Variants in HPS5 observed in about 807,000 individuals in gnomAD.
HPS5 encodes the protein BLOC-2 complex member HPS5.
Under a neutral mutation model 128.0 loss-of-function variants are expected in HPS5, and 83 were observed. The ratio of observed to expected loss-of-function variants is 0.65; its 90% CI spans 0.54 to 0.78. The LOEUF (loss-of-function observed/expected upper bound fraction) is 0.78. HPS5 is among the 30% of genes least tolerant of loss of function. The pLI is 0.00. For missense variants in HPS5, 1,281 were observed against 1,326.2 expected, an observed-to-expected ratio of 0.97 and a Z score of 0.53; for synonymous variants, 475 against 470.2, an observed-to-expected ratio of 1.01 and a Z score of -0.13.
chr11:18,286,505 A>C, intron 19 of HPS5, 86 bp downstream of exon 19: 1 of 1,358,464 alleles, frequency 7.4e-7, no homozygotes, highest in Non-Finnish European at 1.0e-6. Flanking sequence ...TCTTAGCACC[A>C]CATTCCAGCC....
chr11:18,279,532 A>G lies in HPS5; in HGVS notation c.*350T>C. ...CTTCTGCTCCCAACATGGAAGCCAC[A>G]GTAAGAAAAGAATCTGTCTAATCCA... On this transcript the variant is annotated 3_prime_UTR_variant, in exon 23 of 23. Transcript: ENST00000349215. 3.7e-6 allele frequency: 1 copy of G among 269,632 alleles called. No homozygotes were observed. The highest frequency in any genetic ancestry group is 7.2e-6 in the Non-Finnish European group (1 of 139,410). The allele number at this position is 269,632 out of a possible 1,614,324, so 16.7% of individuals were successfully genotyped here.
In HPS5 at chr11:18,291,816, T is replaced by C. The variant is rs564959505; in HGVS notation, c.2066A>G (p.Glu689Gly). ...GCCTAAAGAGTCCCTTTTTTCTTTTTCATTATCTTCATCTAATATTCCCTT... is the reference window on the plus strand; with the variant it reads ...GCCTAAAGAGTCCCTTTTTTCTTTTCCATTATCTTCATCTAATATTCCCTT... Reference protein sequence around the residue: ...SKKGILDEDNEKEKRDSLGNE... With the variant: ...SKKGILDEDNGKEKRDSLGNE... The change falls in exon 16 of 23, where the codon GAA (glutamate) becomes GGA (glycine). Residue 689 changes from glutamate to glycine, a missense_variant. Glu to Gly is a moderately conservative substitution (Grantham distance 98). Transcript: ENST00000349215. 1.2e-5 allele frequency: 20 copies of C among 1,613,000 alleles called. No individual in the cohort carries two copies. The South Asian group carries it at 1.4e-4, about 12-fold the overall frequency.
intron 10 of HPS5, 86 bp from the exon 11 acceptor site, chr11:18,297,803 G>A: frequency 7.6e-7 from 1 of 1,313,600 alleles, no homozygotes; most frequent in Admixed American, 1.7e-5. Context: ...GTCTAGGCCG[G>A]GCACGGTGGC....
At chr11:18,315,628 G>C (rs1863532874) in intron 2 of HPS5, among the ~76,000 whole-genome samples, 1 of 150,410 alleles carries the variant, frequency 6.6e-6, no homozygotes, top group Admixed American at 6.6e-5. Context: ...AAAAAAAATA[G>C]AAAGAAAGAA....
chr11:18,300,978 G>A (rs1024972942), intron 8 of HPS5, 62 bp from the exon 9 acceptor site: 54 of 942,380 alleles, frequency 5.7e-5, no homozygotes, highest in Admixed American at 3.6e-4. Context: ...ATAATTCCCC[G>A]AATTCAGATC....
In HPS5 at chr11:18,279,832, T is replaced by C. The variant is rs769571100; in HGVS notation, c.*50A>G. The C allele has an allele frequency of 3.2e-6, 5 of 1,542,804 alleles. No individual in the cohort carries two copies. Among genetic ancestry groups the C allele is most frequent in the East Asian group, 2.2e-5 (1 of 44,550 alleles). On this transcript the variant is annotated 3_prime_UTR_variant, in exon 23 of 23. Transcript: ENST00000349215. ...AATGCGTTCAGAAGGTTCAGGAGCA[T>C]GATTTAGTTTTTCTCAAAATGTCAT...
At chr11:18,299,035 G>A (rs1049784090) in intron 9 of HPS5, 65 bp from the exon 10 acceptor site, 1 of 1,444,840 alleles carries the variant, frequency 6.9e-7, no homozygotes, top group African/African-American at 1.4e-5. Flanking sequence ...TTTTAAAAGG[G>A]ATGCAATTAT....
intron 2 of HPS5, chr11:18,314,530 AAAATAAAT>A (rs138763524): frequency 0.14 from 21,035 of 151,180 alleles, 1,565 homozygotes; most frequent in African/African-American, 0.19. Context: ...CTACATCTCA[AAAATAAAT>A]AAATAAATAA....
At position 18,283,908 on chromosome 11, in the gene HPS5, A is replaced by ACCGAAGTT. The variant is rs1859356261; in HGVS notation, c.2952-8_2952-7insAACTTCGG. ...TAGATATCCAGGCCAGAAACTTTAA[A>ACCGAAGTT]GAGACCGAAGTTGAAGAAAGGAATA... On this transcript the variant is annotated splice_polypyrimidine_tract_variant and splice_region_variant and intron_variant, in intron 20 of 22. Transcript: ENST00000349215. 1 of 1,597,842 alleles carries ACCGAAGTT rather than the reference A, an allele frequency of 6.3e-7. No homozygotes were observed. Among genetic ancestry groups the ACCGAAGTT allele is most frequent in the African/African-American group, 1.3e-5 (1 of 74,636 alleles).
intron 14 of HPS5, among the ~76,000 whole-genome samples, chr11:18,293,757 C>T (rs897558245): frequency 3.3e-5 from 5 of 151,860 alleles, no homozygotes; most frequent in African/African-American, 7.2e-5. Flanking sequence ...CAAAAAATGG[C>T]GGGAGAATAC....
intron 22 of HPS5, among the ~76,000 whole-genome samples, chr11:18,281,681 G>A (rs1295683369): frequency 6.6e-6 from 1 of 152,066 alleles, no homozygotes; most frequent in African/African-American, 2.4e-5. Flanking sequence ...AAGGATTACA[G>A]GCGTGAACCA....
chr11:18,282,040 G>A lies in HPS5; in HGVS notation c.3239C>T (p.Ser1080Leu). 1.2e-6 allele frequency: 2 copies of A among 1,614,170 alleles called. No individual in the cohort carries two copies. The highest frequency in any genetic ancestry group is 1.7e-6 in the Non-Finnish European group (2 of 1,180,026). ...AKAMGPDRAW[S>L]LLQECGLALE... ...GGCCAGACCACATTCCTGTAGCAGT[G>A]ACCAAGCCCGATCTGGGCCCATGGC... The change falls in exon 22 of 23, where the codon TCA becomes TTA. Residue 1080 changes from serine to leucine, a missense_variant. Ser to Leu is a moderately radical substitution (Grantham distance 145). Transcript: ENST00000349215.
intron 11 of HPS5, 42 bp from the exon 12 acceptor site, chr11:18,297,026 T>G (rs538300261): frequency 2.5e-5 from 33 of 1,302,882 alleles, no homozygotes; most frequent in Admixed American, 5.3e-5. Flanking sequence ...AGGTAAAAAT[T>G]TCCTTTATAA....
intron 22 of HPS5, among the ~76,000 whole-genome samples, chr11:18,281,391 G>A (rs1247889922): frequency 6.6e-6 from 1 of 151,496 alleles, no homozygotes; most frequent in East Asian, 1.9e-4. Flanking sequence ...ACCGTACCCA[G>A]CCAGGTACCA....
At chr11:18,309,862 C>T (rs137872550) in intron 5 of HPS5, among the ~76,000 whole-genome samples, 37 of 152,114 alleles carry the variant, frequency 2.4e-4, no homozygotes, top group African/African-American at 8.0e-4. Flanking sequence ...ATTAGCCAGG[C>T]GTGGTGATGC....
rs750795578 is a variant in HPS5 at position 18,291,705 on chromosome 11, G to A, written c.2177C>T (p.Pro726Leu). The A allele has an allele frequency of 2.0e-5, 32 of 1,614,054 alleles. No homozygotes were observed. The Admixed American group carries it at 5.0e-4, about 25-fold the overall frequency. ...CCGAAGACCACTTGCAATGGCGCAT[G>A]GAGAACATATTTGAAACAGGTCATC... The part of the protein sequence containing the change: ...SLDDLFQICS[P>L]CAIASGLRND... Residue 726 changes from proline (P) to leucine (L), a missense_variant, in exon 16 of 23, where the codon CCA becomes CTA. Pro to Leu is a moderately conservative substitution (Grantham distance 98). Coordinates refer to ENST00000349215, the MANE Select transcript of HPS5 (RefSeq NM_181507.2).
chr11:18,305,074 A>G (rs538108561), intron 8 of HPS5, among the ~76,000 whole-genome samples: 1 of 152,328 alleles, frequency 6.6e-6, no homozygotes, highest in South Asian at 2.1e-4. Context: ...TGCTTGCTAA[A>G]AACACATACA....
At chr11:18,299,635 T>C (rs916502987) in intron 9 of HPS5, among the ~76,000 whole-genome samples, 2 of 152,186 alleles carry the variant, frequency 1.3e-5, no homozygotes, top group African/African-American at 2.4e-5. Flanking sequence ...AATATAGAGA[T>C]TGATTTTCTG....
At chr11:18,308,858 G>T in intron 6 of HPS5, 88 bp downstream of exon 6, 1 of 1,324,214 alleles carries the variant, frequency 7.6e-7, no homozygotes, top group African/African-American at 1.5e-5. Flanking sequence ...CTGTATAACT[G>T]ATTGATGGGG....
Sources: allele counts gnomAD v4.1 joint callset (sites outside exome capture counted in the v4.1 genomes callset), GRCh38; gene constraint gnomAD v4.1.1; transcripts MANE v1.5; gene names NCBI Gene and HGNC (gene_info 2026-07-23, HGNC 2026-07-21).